Variants in ST6GALNAC3 observed in about 807,000 individuals in gnomAD.
ST6GALNAC3 encodes the protein ST6 N-acetylgalactosaminide alpha-2,6-sialyltransferase 3.
ST6GALNAC3 carries 25 observed loss-of-function variants against 32.7 expected under a neutral mutation model. That is an observed-to-expected ratio of 0.76 (90% CI 0.56 to 1.07). The LOEUF (loss-of-function observed/expected upper bound fraction) is 1.07. Ranked by LOEUF, ST6GALNAC3 falls within the 50% of genes least tolerant of loss-of-function variation. The pLI is 0.00. For missense variants in ST6GALNAC3, 355 were observed against 382.4 expected, an observed-to-expected ratio of 0.93 and a Z score of 0.60; for synonymous variants, 129 against 133.1, an observed-to-expected ratio of 0.97 and a Z score of 0.21.
chr1:76,162,996 G>A (rs112484964), intron 1 of ST6GALNAC3, among the ~76,000 whole-genome samples: 87 of 152,338 alleles, frequency 5.7e-4, no homozygotes, highest in Middle Eastern at 3.4e-3. Context: ...GCTGAGAAAA[G>A]TCCTGCGTGG....
chr1:76,225,775 G>A (rs1188057705), intron 1 of ST6GALNAC3, among the ~76,000 whole-genome samples: 4 of 152,118 alleles, frequency 2.6e-5, no homozygotes, highest in African/African-American at 7.2e-5. Context: ...TGGGATGAGA[G>A]GCAATGAGTG....
At chr1:76,621,304 T>TTTTTTG (rs1184614329) in intron 3 of ST6GALNAC3, among the ~76,000 whole-genome samples, 1 of 152,086 alleles carries the variant, frequency 6.6e-6, no homozygotes, top group East Asian at 1.9e-4. Context: ...CCATTTTCCA[T>TTTTTTG]TTTTTGTTAT....
chr1:76,254,104 T>C (rs564039788), intron 1 of ST6GALNAC3, among the ~76,000 whole-genome samples: 4 of 152,226 alleles, frequency 2.6e-5, no homozygotes, highest in Non-Finnish European at 5.9e-5. Context: ...CTTTTGCAGA[T>C]GGAATGAATT....
intron 3 of ST6GALNAC3, among the ~76,000 whole-genome samples, chr1:76,504,725 T>C (rs1209645994): frequency 6.6e-6 from 1 of 152,210 alleles, no homozygotes; most frequent in Admixed American, 6.5e-5. Flanking sequence ...ATGTGATAGA[T>C]CATATTAAAG....
At chr1:76,494,464 T>G (rs374838945) in intron 3 of ST6GALNAC3, among the ~76,000 whole-genome samples, 1 of 73,262 alleles carries the variant, frequency 1.4e-5, no homozygotes, top group Admixed American at 1.5e-4. Flanking sequence ...TATATATATA[T>G]ATATACACAC....
chr1:76,346,080 A>G (rs144205384), intron 2 of ST6GALNAC3, among the ~76,000 whole-genome samples: 1 of 151,306 alleles, frequency 6.6e-6, no homozygotes, highest in East Asian at 2.0e-4. Flanking sequence ...TTTTCTCCAT[A>G]CTACTTATCA....
intron 2 of ST6GALNAC3, among the ~76,000 whole-genome samples, chr1:76,372,728 A>G (rs914387686): frequency 6.6e-6 from 1 of 151,994 alleles, no homozygotes; most frequent in African/African-American, 2.4e-5. Context: ...TTGTTCTTTG[A>G]CTTCATCTTC....
chr1:76,364,516 G>A (rs1650215262), intron 2 of ST6GALNAC3, among the ~76,000 whole-genome samples: 1 of 152,180 alleles, frequency 6.6e-6, no homozygotes, highest in East Asian at 1.9e-4. Flanking sequence ...TGGTGGCACT[G>A]CACTCCAGCC....
chr1:76,408,166 C>G (rs1438670892), intron 2 of ST6GALNAC3, among the ~76,000 whole-genome samples: 2 of 151,968 alleles, frequency 1.3e-5, no homozygotes, highest in African/African-American at 4.8e-5. Flanking sequence ...TAGGAATGTT[C>G]CATTTGTCTG....
intron 3 of ST6GALNAC3, among the ~76,000 whole-genome samples, chr1:76,513,738 A>G (rs1571477880): frequency 1.3e-5 from 2 of 152,252 alleles, no homozygotes; most frequent in South Asian, 4.1e-4. Flanking sequence ...ATCTGTGGAT[A>G]ACTTTGGGTA....
At chr1:76,586,071 A>G (rs1411985912) in intron 3 of ST6GALNAC3, among the ~76,000 whole-genome samples, 4 of 152,190 alleles carry the variant, frequency 2.6e-5, no homozygotes, top group African/African-American at 9.6e-5. Flanking sequence ...TTATCATCAA[A>G]TTCTGTGGAC....
intron 1 of ST6GALNAC3, among the ~76,000 whole-genome samples, chr1:76,187,644 A>G (rs1557682354): frequency 6.6e-6 from 1 of 152,198 alleles, no homozygotes; most frequent in Non-Finnish European, 1.5e-5. Context: ...ACACAGAGTC[A>G]GAGGATGTCA....
chr1:76,551,878 C>T (rs1664656654), intron 3 of ST6GALNAC3, among the ~76,000 whole-genome samples: 3 of 152,176 alleles, frequency 2.0e-5, no homozygotes, highest in African/African-American at 7.2e-5. Flanking sequence ...TATCATTCCA[C>T]TCTGTACCTC....
intron 2 of ST6GALNAC3, among the ~76,000 whole-genome samples, chr1:76,390,869 A>G (rs1331671894): frequency 6.6e-6 from 1 of 151,118 alleles, no homozygotes; most frequent in Non-Finnish European, 1.5e-5. Flanking sequence ...CTTCATATGT[A>G]AAACAAAATG....
At chr1:76,447,050 A>AGAC (rs1477550579) in intron 3 of ST6GALNAC3, among the ~76,000 whole-genome samples, 91 of 152,330 alleles carry the variant, frequency 6.0e-4, no homozygotes, top group African/African-American at 2.1e-3. Flanking sequence ...GCTCAGAAGA[A>AGAC]GACAGGAAAA....
At chr1:76,457,390 C>G (rs373351725) in intron 3 of ST6GALNAC3, among the ~76,000 whole-genome samples, 1 of 152,052 alleles carries the variant, frequency 6.6e-6, no homozygotes, top group South Asian at 2.1e-4. Flanking sequence ...GAGCCCGCAT[C>G]GCCAAGTCAA....
At chr1:76,312,506 A>G (rs1646785434) in intron 1 of ST6GALNAC3, among the ~76,000 whole-genome samples, 1 of 152,150 alleles carries the variant, frequency 6.6e-6, no homozygotes, top group South Asian at 2.1e-4. Context: ...AATGGTAGAA[A>G]ATTTTTGCAA....
At chr1:76,411,716 A>G (rs1302436977) in intron 2 of ST6GALNAC3, among the ~76,000 whole-genome samples, 1 of 152,134 alleles carries the variant, frequency 6.6e-6, no homozygotes, top group Non-Finnish European at 1.5e-5. Flanking sequence ...AAAAATATTT[A>G]TCATTTAGAG....
At chr1:76,135,594 C>T (rs373609007) in intron 1 of ST6GALNAC3, among the ~76,000 whole-genome samples, 3 of 152,134 alleles carry the variant, frequency 2.0e-5, no homozygotes, top group African/African-American at 7.2e-5. Context: ...ACTTGAAAAG[C>T]CTGTGTTCTT....
Sources: allele counts gnomAD v4.1 joint callset (sites outside exome capture counted in the v4.1 genomes callset), GRCh38; gene constraint gnomAD v4.1.1; transcripts MANE v1.5; gene names NCBI Gene and HGNC (gene_info 2026-07-23, HGNC 2026-07-21).